Variants in SLC2A10 observed in about 807,000 individuals in gnomAD.
SLC2A10 encodes the protein solute carrier family 2, facilitated glucose transporter member 10.
SLC2A10 carries 25 observed loss-of-function variants against 32.1 expected under a neutral mutation model. That is an observed-to-expected ratio of 0.78 (90% confidence interval 0.57 to 1.09). The LOEUF (loss-of-function observed/expected upper bound fraction) is 1.09. Ranked by LOEUF, SLC2A10 falls within the 50% of genes least tolerant of loss-of-function variation. SLC2A10 has a pLI of 0.00. For missense variants in SLC2A10, 673 were observed against 686.5 expected (o/e 0.98, Z 0.22); for synonymous variants, 332 against 309.6 (o/e 1.07, Z -0.76).
upstream of SLC2A10, among the ~76,000 whole-genome samples, chr20:46,708,463 G>A (rs1015384533): frequency 6.6e-6 from 1 of 152,082 alleles, no homozygotes; most frequent in African/African-American, 2.4e-5. Context: ...CTATTTCCAC[G>A]TGGATGCCTG....
At position 46,729,508 on chromosome 20, in the gene SLC2A10, G is replaced by C; in HGVS notation, c.1547+20G>C. On this transcript the variant is annotated intron_variant, in intron 4 of 4. Transcript: ENST00000359271. ...GAGACGGTAGGAAGCTGACAGGGTGGGTCTGGGGGAAGAGCTGTAGCACAC... is the reference window on the plus strand; with the variant it reads ...GAGACGGTAGGAAGCTGACAGGGTGCGTCTGGGGGAAGAGCTGTAGCACAC... 2 of 1,613,838 alleles carry C rather than the reference G, an allele frequency of 1.2e-6. No individual in the cohort carries two copies. Among genetic ancestry groups the C allele is most frequent in the Non-Finnish European group, 8.5e-7 (1 of 1,179,902 alleles).
At position 46,734,221 on chromosome 20, in the gene SLC2A10, A is replaced by G. The variant is rs904441445; in HGVS notation, c.*387A>G. On this transcript the variant is annotated 3_prime_UTR_variant, in exon 5 of 5. Transcript: ENST00000359271. ...ACCCCTAAATCCAAATGAGGATATC[A>G]TCTTTTCTAATCTCTTTTTTCAACT... 6.3e-5 allele frequency: 16 copies of G among 253,280 alleles called. No individual in the cohort carries two copies. Among genetic ancestry groups the G allele is most frequent in the Non-Finnish European group, 1.2e-4 (15 of 129,486 alleles). 15.7% of individuals were successfully genotyped at this position (253,280 alleles called of 1,614,324 possible).
Position 46,729,476 on chromosome 20 carries a change from T to A in SLC2A10, c.1535T>A (p.Phe512Tyr), listed in dbSNP as rs778939639. The A allele has an allele frequency of 1.5e-5, 25 of 1,613,988 alleles. No homozygotes were observed. Among genetic ancestry groups the A allele is most frequent in the Non-Finnish European group, 2.1e-5 (25 of 1,179,988 alleles). ...GQSLAEIDQQFQKRRFTLSFG... is the reference protein window; with the variant it reads ...GQSLAEIDQQYQKRRFTLSFG... ...TCGTTGGCAGAGATAGACCAGCAGT[T>A]CCAGAAGAGACGGTAGGAAGCTGAC... is the stretch of plus-strand genomic sequence containing the variant. Residue 512 changes from phenylalanine to tyrosine, a missense_variant, in exon 4 of 5, where the codon TTC (phenylalanine) becomes TAC (tyrosine). Coordinates refer to ENST00000359271, the MANE Select transcript of SLC2A10 (RefSeq NM_030777.4).
In SLC2A10 at chr20:46,731,733, A is replaced by AG. The variant is rs1217479585; in HGVS notation, c.1548-2018dup. ...TTTATCATCTCTGTCCCTAGAGTTC[A>AG]GGGGGCTCTTGATATCAGAGGCCAC... On this transcript the variant is annotated intron_variant, in intron 4 of 4. Coordinates refer to ENST00000359271, the MANE Select transcript of SLC2A10 (RefSeq NM_030777.4). Among the ~76,000 whole-genome samples the AG allele has an allele frequency of 4.6e-5, 7 of 152,230 alleles. No individual in the cohort carries two copies. In the East Asian group the frequency reaches 1.4e-3, roughly 29 times the overall value.
chr20:46,721,822 G>GTAT lies in SLC2A10; in HGVS notation c.5-3219_5-3218insTAT, dbSNP rs1979571138. ...TCTTGTCTATGTATAGCAATTCCCT[G>GTAT]AGACCCACTTGCTCATCCCTATGTG... On this transcript the variant is annotated intron_variant, in intron 1 of 4. Transcript: ENST00000359271. Among the ~76,000 whole-genome samples the GTAT allele has an allele frequency of 2.0e-5, 3 of 152,314 alleles. No homozygotes were observed. In the East Asian group the frequency reaches 5.8e-4, roughly 29 times the overall value.
At chr20:46,727,091 T>A in intron 3 of SLC2A10, 105 bp downstream of exon 3, 1 of 1,406,008 alleles carries the variant, frequency 7.1e-7, no homozygotes, top group Non-Finnish European at 1.0e-6. Flanking sequence ...GAACTATTAT[T>A]CTGTGCAGAA....
intron 1 of SLC2A10, among the ~76,000 whole-genome samples, chr20:46,723,598 C>G (rs1979680088): frequency 6.6e-6 from 1 of 152,188 alleles, no homozygotes; most frequent in Non-Finnish European, 1.5e-5. Flanking sequence ...AGTAGATCAC[C>G]TCATTCCTGG....
intron 1 of SLC2A10, among the ~76,000 whole-genome samples, chr20:46,712,443 C>T (rs542597959): frequency 1.1e-4 from 17 of 152,010 alleles, no homozygotes; most frequent in Non-Finnish European, 2.2e-4. Flanking sequence ...GACCCTGTCC[C>T]GGGGAAGCTG....
In SLC2A10 at chr20:46,726,243, C is replaced by A; in HGVS notation, c.1207C>A (p.Arg403=). The A allele has an allele frequency of 6.2e-7, 1 of 1,613,722 alleles. No individual in the cohort carries two copies. Among genetic ancestry groups the A allele is most frequent in the South Asian group, 1.1e-5 (1 of 91,090 alleles). The change falls in exon 2 of 5, where the codon CGG becomes AGG. Residue 403 remains arginine, a synonymous_variant. Transcript: ENST00000359271. ...CCTCCCTGGGCCCCCTCTGCCCGCT[C>A]GGGGGCATGCACTGCTGCGCTGGAC... is the stretch of plus-strand genomic sequence containing the variant. ...SALPGPPLPA[R]GHALLRWTAL...
At chr20:46,717,291 T>C (rs533965706) in intron 1 of SLC2A10, among the ~76,000 whole-genome samples, 1 of 152,314 alleles carries the variant, frequency 6.6e-6, no homozygotes, top group East Asian at 1.9e-4. Flanking sequence ...AGAAATATCC[T>C]GATAGCACAG....
chr20:46,709,456 G>A, upstream of SLC2A10: 1 of 438,396 alleles, frequency 2.3e-6, no homozygotes. Context: ...GGAGATGGCG[G>A]GTGGGGGCCC....
intron 1 of SLC2A10, among the ~76,000 whole-genome samples, chr20:46,712,167 A>G (rs1277336987): frequency 6.6e-6 from 1 of 152,166 alleles, no homozygotes; most frequent in Non-Finnish European, 1.5e-5. Context: ...TATAGTGGGT[A>G]CTCCAAGTAT....
intron 1 of SLC2A10, chr20:46,714,324 G>C (rs1015022179): frequency 2.6e-5 from 4 of 152,326 alleles, no homozygotes; most frequent in Admixed American, 2.6e-4. Context: ...TGATTGATTG[G>C]ATCTGGATCA....
chr20:46,716,634 G>A (rs138627312), intron 1 of SLC2A10, among the ~76,000 whole-genome samples: 309 of 149,864 alleles, frequency 2.1e-3, no homozygotes, highest in African/African-American at 7.1e-3. Context: ...AAAATTAAGA[G>A]TAATCTGTGC....
chr20:46,724,213 TA>T (rs1180994524), intron 1 of SLC2A10, among the ~76,000 whole-genome samples: 1 of 152,262 alleles, frequency 6.6e-6, no homozygotes, highest in East Asian at 1.9e-4. Context: ...TATACTTATT[TA>T]TCATCTTCCT....
At chr20:46,715,200 C>T (rs770645512) in intron 1 of SLC2A10, among the ~76,000 whole-genome samples, 1 of 152,056 alleles carries the variant, frequency 6.6e-6, no homozygotes, top group Non-Finnish European at 1.5e-5. Context: ...GGTCTCCATA[C>T]ATGATAGCTG....
intron 1 of SLC2A10, among the ~76,000 whole-genome samples, chr20:46,717,980 G>A (rs1031888555): frequency 7.9e-5 from 12 of 152,140 alleles, no homozygotes; most frequent in Admixed American, 7.9e-4. Context: ...CCAACACTTT[G>A]GGAGGCCTAG....
At chr20:46,713,526 T>C (rs1979051137) in intron 1 of SLC2A10, among the ~76,000 whole-genome samples, 2 of 152,164 alleles carry the variant, frequency 1.3e-5, no homozygotes, top group Admixed American at 6.5e-5. Context: ...CCAGTGTGAC[T>C]GGAGCCCAGT....
chr20:46,732,724 G>A (rs886077981), intron 4 of SLC2A10, among the ~76,000 whole-genome samples: 1 of 150,370 alleles, frequency 6.7e-6, no homozygotes, highest in Non-Finnish European at 1.5e-5. Flanking sequence ...ACAGTGCCTG[G>A]CACTGTCATC....
Sources: allele counts gnomAD v4.1 joint callset (sites outside exome capture counted in the v4.1 genomes callset), GRCh38; gene constraint gnomAD v4.1.1; transcripts MANE v1.5; gene names NCBI Gene and HGNC (gene_info 2026-07-23, HGNC 2026-07-21).